The following GPC4 variants were observed in gnomAD, a reference collection of about 807,000 sequenced individuals.
GPC4 encodes the protein glypican 4, also known as glypican-4.
A neutral mutation model predicts 35.0 loss-of-function variants in GPC4; 10 were observed. The observed-to-expected ratio is 0.29, with a 90% CI of 0.18 to 0.48. The LOEUF is 0.48. GPC4 is among the 20% of genes least tolerant of loss of function. The probability of loss-of-function intolerance (pLI) is 0.99; values close to 1 mark genes in which losing one functional copy is unlikely to be tolerated. For missense variants in GPC4, 322 were observed against 451.3 expected, an observed-to-expected ratio of 0.71 and a Z score of 2.60; for synonymous variants, 167 against 170.2, an observed-to-expected ratio of 0.98 and a Z score of 0.15.
intron 1 of GPC4, among the ~76,000 whole-genome samples, chrX:133,352,244 C>G (rs2068519476): frequency 8.9e-6 from 1 of 111,929 alleles, no homozygotes; most frequent in Non-Finnish European, 1.9e-5. Context: ...TGCCTTTGGA[C>G]AAAGTAGGAG....
chrX:133,368,872 C>T (rs995402797), intron 1 of GPC4, among the ~76,000 whole-genome samples: 17 of 111,004 alleles, frequency 1.5e-4, no homozygotes, highest in Non-Finnish European at 2.3e-4. Context: ...TCTCAAACTC[C>T]TGACCTCAGG....
intron 1 of GPC4, among the ~76,000 whole-genome samples, chrX:133,361,121 C>G (rs2068565425): frequency 1.8e-5 from 2 of 112,155 alleles, no homozygotes; most frequent in Non-Finnish European, 3.8e-5. Flanking sequence ...TTGGTATAGG[C>G]TGCAACTTAA....
At chrX:133,311,459 G>A (rs1472520521) in intron 3 of GPC4, 36 bp from the exon 4 acceptor site, 7 of 1,172,550 alleles carry the variant, frequency 6.0e-6, no homozygotes, top group Non-Finnish European at 8.1e-6. Flanking sequence ...AGTAGTGGCG[G>A]GGCTAAAATA....
intron 1 of GPC4, among the ~76,000 whole-genome samples, chrX:133,342,765 C>G (rs1028004755): frequency 2.7e-5 from 3 of 110,735 alleles, no homozygotes; most frequent in African/African-American, 9.9e-5. Flanking sequence ...ATTATAGCTC[C>G]ATGTTCTGGT....
intron 1 of GPC4, among the ~76,000 whole-genome samples, chrX:133,347,661 C>CAAAG (rs2068499562): frequency 9.0e-6 from 1 of 110,916 alleles, no homozygotes; most frequent in Non-Finnish European, 1.9e-5. Flanking sequence ...TTCATGGGAA[C>CAAAG]AAAGAAAGAA....
At chrX:133,380,156 G>A (rs1412649241) in intron 1 of GPC4, among the ~76,000 whole-genome samples, 1 of 110,427 alleles carries the variant, frequency 9.1e-6, no homozygotes, top group African/African-American at 3.3e-5. Context: ...GGCTAAGACG[G>A]CAAAACCCCA....
chrX:133,348,081 C>T (rs2068501037), intron 1 of GPC4, among the ~76,000 whole-genome samples: 1 of 112,336 alleles, frequency 8.9e-6, no homozygotes, highest in Non-Finnish European at 1.9e-5. Flanking sequence ...GTTAGGGTTG[C>T]TACTTTAAAA....
intron 2 of GPC4, among the ~76,000 whole-genome samples, chrX:133,326,703 A>G (rs949622732): frequency 4.4e-5 from 5 of 112,543 alleles, no homozygotes; most frequent in African/African-American, 1.6e-4. Context: ...ATTAAGAGAA[A>G]ATGTCTTTCC....
chrX:133,407,040 C>T (rs1476308432), intron 1 of GPC4, among the ~76,000 whole-genome samples: 1 of 103,794 alleles, frequency 9.6e-6, no homozygotes, highest in Non-Finnish European at 1.9e-5. Context: ...CACGCCATTG[C>T]ACGCCAGCCT....
intron 1 of GPC4, chrX:133,414,527 C>T: frequency 1.2e-5 from 9 of 754,020 alleles, no homozygotes; most frequent in Non-Finnish European, 1.4e-5. Context: ...AGAGGAGGAG[C>T]GGAGGCGGGG....
chrX:133,354,715 C>A (rs1170935581), intron 1 of GPC4, among the ~76,000 whole-genome samples: 5 of 106,513 alleles, frequency 4.7e-5, no homozygotes, highest in African/African-American at 1.7e-4. Context: ...ACTACAGGCG[C>A]CCGCCACCGC....
At chrX:133,335,019 G>C (rs996385981) in intron 2 of GPC4, among the ~76,000 whole-genome samples, 34 of 111,710 alleles carry the variant, frequency 3.0e-4, no homozygotes, top group African/African-American at 1.1e-3. Flanking sequence ...CTCACAAAAT[G>C]CCAGGCATTT....
In GPC4 at chrX:133,305,858, A is replaced by G. The variant is rs1389144523; in HGVS notation, c.1069T>C (p.Ser357Pro). 1 of 1,211,353 alleles carries G rather than the reference A, an allele frequency of 8.3e-7. No homozygotes were observed. Among genetic ancestry groups the G allele is most frequent in the Non-Finnish European group, 1.1e-6 (1 of 895,421 alleles). ...LPAGRISRSI[S>P]ESAFSARFRP... is the part of the protein sequence containing the mutation. The stretch of plus-strand genomic sequence containing the variant: ...AAGCGAGCACTGAAGGCACTTTCAG[A>G]GATGGAACGAGAAATTCGTCCAGCT... Residue 357 changes from serine (S) to proline (P), a missense_variant, in exon 6 of 9, where the codon TCT becomes CCT. Coordinates refer to ENST00000370828, the MANE Select transcript of GPC4 (RefSeq NM_001448.3).
rs763800349 is a variant in GPC4 at position 133,347,248 on chromosome X, G to GTTTTTTTTT, written c.161-7916_161-7908dup. 8.7e-4 allele frequency among the ~76,000 whole-genome samples: 22 copies of GTTTTTTTTT among 25,422 alleles called. 3 individuals carry two copies. The highest frequency in any genetic ancestry group is 2.8e-3 in the African/African-American group (20 of 7,188). The allele number at this position is 25,422 out of a possible 115,157, so 22.1% of individuals were successfully genotyped here. A position where few individuals can be genotyped will look rare whatever the true frequency, so the allele number is the denominator to read the frequency against. On this transcript the variant is annotated intron_variant, in intron 1 of 8. Transcript: ENST00000370828. The stretch of plus-strand genomic sequence containing the variant: ...TAAATCTAAAACTCTTCTATTAGAA[G>GTTTTTTTTT]TTTTTTTTTTTTTTTTTTTTTTTTT...
At position 133,353,302 on chromosome X, in the gene GPC4, C is replaced by T. The variant is rs1477248457; in HGVS notation, c.161-13961G>A. 2.7e-5 allele frequency among the ~76,000 whole-genome samples: 3 copies of T among 112,007 alleles called. No homozygotes were observed. In the Admixed American group the frequency reaches 2.8e-4, roughly 11 times the overall value. ...CCACTCTAATTTGAGCCTGTAAGAA[C>T]TTAGGGTTGCTTCCATGGGGCTGAT... On this transcript the variant is annotated intron_variant, in intron 1 of 8. Coordinates refer to ENST00000370828, the MANE Select transcript of GPC4 (RefSeq NM_001448.3).
intron 1 of GPC4, among the ~76,000 whole-genome samples, chrX:133,342,089 T>G (rs1302050741): frequency 3.0e-5 from 3 of 98,904 alleles, no homozygotes; most frequent in African/African-American, 1.1e-4. Context: ...CAGGCTGGAG[T>G]GCAGTGTCGT....
chrX:133,304,579 A>G (rs1299967605), intron 7 of GPC4, 146 bp downstream of exon 7: 23 of 638,483 alleles, frequency 3.6e-5, no homozygotes, highest in Non-Finnish European at 4.8e-5. Flanking sequence ...GCCTGTTCCT[A>G]AGAACACCTA....
intron 3 of GPC4, among the ~76,000 whole-genome samples, chrX:133,314,885 C>G (rs1172593015): frequency 9.0e-6 from 1 of 111,155 alleles, no homozygotes; most frequent in East Asian, 2.9e-4. Context: ...TAGCACTGCC[C>G]AGGCCTTTGG....
At chrX:133,356,200 T>C (rs1282012704) in intron 1 of GPC4, among the ~76,000 whole-genome samples, 1 of 111,499 alleles carries the variant, frequency 9.0e-6, no homozygotes, top group Admixed American at 9.5e-5. Context: ...GATGTTTGGA[T>C]TGTGGAGGGC....
Sources: allele counts gnomAD v4.1 joint callset (sites outside exome capture counted in the v4.1 genomes callset), GRCh38; gene constraint gnomAD v4.1.1; transcripts MANE v1.5; gene names NCBI Gene and HGNC (gene_info 2026-07-23, HGNC 2026-07-21).